Variants in SRBD1 observed in about 807,000 individuals in gnomAD.
SRBD1 encodes the protein S1 RNA-binding domain-containing protein 1.
In SRBD1, 88 loss-of-function variants were observed where a neutral mutation model predicts 115.3. The observed-to-expected ratio is 0.76, with a 90% CI of 0.64 to 0.91. SRBD1 has a LOEUF of 0.91. Among genes scored for constraint, SRBD1 ranks in the 40% least tolerant of loss-of-function variants. SRBD1 has a pLI of 0.00. For synonymous variants in SRBD1, 509 were observed against 407.7 expected, an observed-to-expected ratio of 1.25 and a Z score of -2.99; for missense variants, 1,385 against 1,177.4, an observed-to-expected ratio of 1.18 and a Z score of -2.58.
At chr2:45,438,339 T>C (rs777760216) in intron 16 of SRBD1, among the ~76,000 whole-genome samples, 2 of 152,122 alleles carry the variant, frequency 1.3e-5, no homozygotes, top group African/African-American at 2.4e-5. Context: ...CACCATGTAA[T>C]AAAACTAGCT....
At chr2:45,507,546 C>A (rs1278636171) in intron 14 of SRBD1, among the ~76,000 whole-genome samples, 1 of 151,710 alleles carries the variant, frequency 6.6e-6, no homozygotes, top group Non-Finnish European at 1.5e-5. Flanking sequence ...ATGATGAAAC[C>A]CCATTTCTAC....
At chr2:45,488,165 GA>G in intron 15 of SRBD1, 74 bp downstream of exon 15, 1 of 1,271,160 alleles carries the variant, frequency 7.9e-7, no homozygotes, top group South Asian at 1.3e-5. Flanking sequence ...TTGATATTTA[GA>G]ATATTTAGCA....
chr2:45,418,363 A>T lies in SRBD1; in HGVS notation c.2333+2T>A. The stretch of plus-strand genomic sequence containing the variant: ...AGAATCAAAGTGTATACTTATACTC[A>T]CCTGCAAAACGTTCGGATATAATCC... On this transcript the variant is annotated splice_donor_variant, in intron 18 of 20. Coordinates refer to ENST00000263736, the MANE Select transcript of SRBD1 (RefSeq NM_018079.5). LOFTEE classifies it high-confidence loss of function. 3 of 1,613,426 alleles carry T rather than the reference A, an allele frequency of 1.9e-6. No individual in the cohort carries two copies. Among genetic ancestry groups the T allele is most frequent in the Non-Finnish European group, 2.5e-6 (3 of 1,179,716 alleles).
intron 4 of SRBD1, among the ~76,000 whole-genome samples, chr2:45,586,710 AT>A (rs747668841): frequency 1.6e-3 from 227 of 145,076 alleles, no homozygotes; most frequent in Admixed American, 2.2e-3. Context: ...CACCTGGCTA[AT>A]TTTTTTTTTT....
chr2:45,599,950 A>C (rs1283685582), intron 3 of SRBD1, 115 bp from the exon 4 acceptor site: 1 of 1,216,486 alleles, frequency 8.2e-7, no homozygotes, highest in Non-Finnish European at 1.1e-6. Context: ...ACTTGGAAGA[A>C]TCTCAAGTAA....
At chr2:45,541,914 T>C (rs1339898946) in intron 14 of SRBD1, among the ~76,000 whole-genome samples, 2 of 152,194 alleles carry the variant, frequency 1.3e-5, no homozygotes, top group Non-Finnish European at 2.9e-5. Context: ...CTGGAAAAAG[T>C]ACCATAAGTT....
intron 16 of SRBD1, among the ~76,000 whole-genome samples, chr2:45,465,880 T>C (rs1160998271): frequency 6.6e-6 from 1 of 152,214 alleles, no homozygotes; most frequent in African/African-American, 2.4e-5. Flanking sequence ...ACATTTTCAG[T>C]TCTGATCCCA....
intron 9 of SRBD1, among the ~76,000 whole-genome samples, chr2:45,564,825 G>T (rs1672777036): frequency 6.6e-6 from 1 of 152,112 alleles, no homozygotes; most frequent in Non-Finnish European, 1.5e-5. Flanking sequence ...CATAAGGAGA[G>T]CTGATTTTTC....
chr2:45,412,129 C>CA (rs532512556), intron 19 of SRBD1, among the ~76,000 whole-genome samples: 161 of 147,722 alleles, frequency 1.1e-3, no homozygotes, highest in Non-Finnish European at 1.6e-3. Flanking sequence ...CAAAACAAGA[C>CA]AAAAAAAAAT....
chr2:45,587,841 C>G (rs553091439), intron 4 of SRBD1, among the ~76,000 whole-genome samples: 88 of 152,310 alleles, frequency 5.8e-4, no homozygotes, highest in African/African-American at 2.1e-3. Context: ...TCTTGGAAAT[C>G]TAATGGGCAT....
intron 16 of SRBD1, among the ~76,000 whole-genome samples, chr2:45,427,175 A>G (rs1330011229): frequency 1.3e-5 from 2 of 148,382 alleles, no homozygotes; most frequent in African/African-American, 5.0e-5. Context: ...TAACCAGTTT[A>G]GAGAAGAACA....
intron 14 of SRBD1, among the ~76,000 whole-genome samples, chr2:45,491,540 A>T (rs1032110373): frequency 6.6e-6 from 1 of 152,174 alleles, no homozygotes; most frequent in Non-Finnish European, 1.5e-5. Flanking sequence ...CTTCACCTAA[A>T]CCAATACATT....
intron 16 of SRBD1, among the ~76,000 whole-genome samples, chr2:45,423,111 TA>T (rs1175005069): frequency 7.2e-5 from 11 of 152,152 alleles, no homozygotes; most frequent in Non-Finnish European, 1.3e-4. Context: ...TGCAAAACAA[TA>T]AAAATGACGG....
chr2:45,485,354 A>G (rs1353540885), intron 15 of SRBD1, among the ~76,000 whole-genome samples: 1 of 151,998 alleles, frequency 6.6e-6, no homozygotes, highest in East Asian at 1.9e-4. Flanking sequence ...TTAAGCTTCA[A>G]ATCTTGTTGT....
At chr2:45,419,329 G>A (rs372523583) in intron 17 of SRBD1, among the ~76,000 whole-genome samples, 1 of 152,102 alleles carries the variant, frequency 6.6e-6, no homozygotes, top group African/African-American at 2.4e-5. Context: ...TATAACATGC[G>A]ATTATAGTAT....
At chr2:45,575,107 G>A (rs989943061) in intron 7 of SRBD1, among the ~76,000 whole-genome samples, 3 of 152,098 alleles carry the variant, frequency 2.0e-5, no homozygotes, top group African/African-American at 7.2e-5. Flanking sequence ...AAATACTAAA[G>A]ATGTTATGGG....
chr2:45,545,951 T>C (rs17033842), intron 14 of SRBD1, among the ~76,000 whole-genome samples: 5,238 of 152,324 alleles, frequency 0.034, 318 homozygotes, highest in African/African-American at 0.12. Flanking sequence ...CACCTGCTCA[T>C]CAGTCAACCA....
chr2:45,554,535 C>A (rs1672411887), intron 10 of SRBD1, among the ~76,000 whole-genome samples: 1 of 152,148 alleles, frequency 6.6e-6, no homozygotes, highest in African/African-American at 2.4e-5. Flanking sequence ...GCTCAGGCCA[C>A]AATGCTCTAC....
chr2:45,392,944 C>T lies in SRBD1; in HGVS notation c.2698+1G>A. The T allele has an allele frequency of 6.3e-7, 1 of 1,599,140 alleles. No homozygotes were observed. The highest frequency in any genetic ancestry group is 8.5e-7 in the Non-Finnish European group (1 of 1,171,858). On this transcript the variant is annotated splice_donor_variant, in intron 20 of 20. Coordinates refer to ENST00000263736, the MANE Select transcript of SRBD1 (RefSeq NM_018079.5). LOFTEE classifies it high-confidence loss of function. ...GCTATAATTCAAGTTCAACTGTTTA[C>T]CTGTTCGAAAGTCAAAGCTTTCAGG... is the stretch of plus-strand genomic sequence containing the variant.
Sources: gnomAD v4.1 joint callset for allele counts (sites outside exome capture counted in the v4.1 genomes callset) on GRCh38, gnomAD v4.1.1 for gene constraint, MANE v1.5 for transcripts, NCBI Gene and HGNC (gene_info 2026-07-23, HGNC 2026-07-21) for gene names.